GRM7: variants seen among roughly 807,000 people sequenced by gnomAD.
The protein encoded by GRM7 is metabotropic glutamate receptor 7.
A neutral mutation model predicts 84.5 loss-of-function variants in GRM7; 35 were observed. The ratio of observed to expected loss-of-function variants is 0.41; its 90% CI spans 0.32 to 0.55. The LOEUF is 0.55. Among genes scored for constraint, GRM7 ranks in the 20% least tolerant of loss-of-function variants. GRM7 has a pLI of 0.19. For missense variants in GRM7, 1,003 were observed against 1,194.6 expected (o/e 0.84, Z 2.36); for synonymous variants, 487 against 455.1 (o/e 1.07, Z -0.89).
intron 2 of GRM7, among the ~76,000 whole-genome samples, chr3:7,150,601 A>G (rs996390517): frequency 2.0e-5 from 3 of 152,228 alleles, no homozygotes; most frequent in Non-Finnish European, 4.4e-5. Context: ...TTCTCAGACG[A>G]TGAGGTTTTG....
At chr3:7,250,881 T>G (rs1011416721) in intron 2 of GRM7, among the ~76,000 whole-genome samples, 19 of 152,286 alleles carry the variant, frequency 1.2e-4, no homozygotes, top group Admixed American at 1.1e-3. Context: ...CTTTGCATGG[T>G]AGGTACTTGA....
chr3:7,493,236 A>C lies in GRM7; in HGVS notation c.1515+31514A>C, dbSNP rs1476182738. Among the ~76,000 whole-genome samples, 3 of 151,932 alleles carry C rather than the reference A, an allele frequency of 2.0e-5. No individual in the cohort carries two copies. The East Asian group carries it at 5.8e-4, about 29-fold the overall frequency. On this transcript the variant is annotated intron_variant, in intron 7 of 9. Coordinates refer to ENST00000357716, the MANE Select transcript of GRM7 (RefSeq NM_000844.4). ...TTTATATTCTTGCTGAGTTGTGTCT[A>C]GTTGTTTAATACTGAACAGGAAATG...
At chr3:7,043,094 C>T (rs755315172) in intron 1 of GRM7, among the ~76,000 whole-genome samples, 5 of 152,164 alleles carry the variant, frequency 3.3e-5, no homozygotes, top group African/African-American at 7.2e-5. Flanking sequence ...TTTTCCACTT[C>T]GGCTACTGCT....
chr3:7,662,061 C>G (rs1403661148), intron 8 of GRM7, among the ~76,000 whole-genome samples: 2 of 151,902 alleles, frequency 1.3e-5, no homozygotes, highest in Admixed American at 6.6e-5. Context: ...TGGAAAACTA[C>G]CCAGCAATAG....
chr3:6,997,854 A>C (rs1023933625), intron 1 of GRM7, among the ~76,000 whole-genome samples: 1 of 151,998 alleles, frequency 6.6e-6, no homozygotes, highest in Non-Finnish European at 1.5e-5. Context: ...AGTTAGGGCC[A>C]GGTGTCTGTA....
intron 9 of GRM7, among the ~76,000 whole-genome samples, chr3:7,717,124 T>A (rs1029052551): frequency 3.9e-5 from 6 of 152,144 alleles, no homozygotes; most frequent in Admixed American, 6.6e-5. Flanking sequence ...AACTAGATAG[T>A]TTTTCCCTTC....
intron 7 of GRM7, among the ~76,000 whole-genome samples, chr3:7,478,737 C>G (rs1699021264): frequency 6.6e-6 from 1 of 152,102 alleles, no homozygotes. Flanking sequence ...TAGCTATCAA[C>G]TAGTGTGAAG....
intron 8 of GRM7, among the ~76,000 whole-genome samples, chr3:7,608,808 G>A (rs921362645): frequency 6.6e-6 from 1 of 152,146 alleles, no homozygotes; most frequent in Admixed American, 6.5e-5. Context: ...GTCCGGGATA[G>A]TAATGCCTAG....
At chr3:7,644,631 A>AG (rs1235205671) in intron 8 of GRM7, among the ~76,000 whole-genome samples, 1 of 152,200 alleles carries the variant, frequency 6.6e-6, no homozygotes, top group Admixed American at 6.5e-5. Flanking sequence ...AGTCTTTGAA[A>AG]GGGTAGTCCT....
At chr3:7,194,193 AC>A (rs1695807443) in intron 2 of GRM7, among the ~76,000 whole-genome samples, 1 of 152,066 alleles carries the variant, frequency 6.6e-6, no homozygotes, top group Non-Finnish European at 1.5e-5. Context: ...ACTCACATAA[AC>A]ACTCACCAAA....
At chr3:7,614,796 G>A (rs1180598390) in intron 8 of GRM7, among the ~76,000 whole-genome samples, 1 of 152,138 alleles carries the variant, frequency 6.6e-6, no homozygotes, top group African/African-American at 2.4e-5. Context: ...TTTTGAAAGA[G>A]TAATTTAGTC....
At chr3:7,239,190 A>G (rs527910332) in intron 2 of GRM7, among the ~76,000 whole-genome samples, 3 of 151,878 alleles carry the variant, frequency 2.0e-5, no homozygotes, top group Admixed American at 1.3e-4. Context: ...TGGTAGAGAC[A>G]GTGTTTTGCC....
chr3:7,307,331 G>A (rs560101399), intron 4 of GRM7, among the ~76,000 whole-genome samples: 1 of 148,000 alleles, frequency 6.8e-6, no homozygotes, highest in East Asian at 2.0e-4. Flanking sequence ...GGAAAGAAAA[G>A]TTGTTTCTAA....
chr3:7,046,464 G>C (rs1157957378), intron 1 of GRM7, among the ~76,000 whole-genome samples: 1 of 152,120 alleles, frequency 6.6e-6, no homozygotes, highest in African/African-American at 2.4e-5. Context: ...GCAATTGAAT[G>C]TTAATATAGT....
intron 4 of GRM7, among the ~76,000 whole-genome samples, chr3:7,345,347 T>A (rs1241264200): frequency 6.6e-6 from 1 of 151,858 alleles, no homozygotes; most frequent in Non-Finnish European, 1.5e-5. Flanking sequence ...GGATTTCGGC[T>A]CACTGCAACC....
At chr3:7,055,479 G>C (rs532078208) in intron 1 of GRM7, among the ~76,000 whole-genome samples, 39 of 69,958 alleles carry the variant, frequency 5.6e-4, no homozygotes, top group Admixed American at 2.0e-3. Flanking sequence ...TTATATATCT[G>C]TGTGTGTGTG....
chr3:7,439,387 T>C (rs973450678), intron 5 of GRM7, among the ~76,000 whole-genome samples: 1 of 152,194 alleles, frequency 6.6e-6, no homozygotes. Flanking sequence ...TGGCACTTTT[T>C]CTGTCAGCCT....
intron 4 of GRM7, among the ~76,000 whole-genome samples, chr3:7,358,689 A>G (rs1693518362): frequency 1.3e-5 from 2 of 150,306 alleles, no homozygotes; most frequent in South Asian, 4.2e-4. Flanking sequence ...TGTGGAATTA[A>G]TATTCCACTG....
chr3:7,189,759 TA>T (rs1331512692), intron 2 of GRM7, among the ~76,000 whole-genome samples: 4 of 152,282 alleles, frequency 2.6e-5, no homozygotes, highest in Non-Finnish European at 4.4e-5. Flanking sequence ...TTGACACCTA[TA>T]TTTTTTTCAG....
Sources: allele counts gnomAD v4.1 joint callset (sites outside exome capture counted in the v4.1 genomes callset), GRCh38; gene constraint gnomAD v4.1.1; transcripts MANE v1.5; gene names NCBI Gene and HGNC (gene_info 2026-07-23, HGNC 2026-07-21).